WWOX: variants seen among roughly 807,000 people sequenced by gnomAD.
WWOX encodes the protein WW domain-containing oxidoreductase.
In WWOX, 69 loss-of-function variants were observed where a neutral mutation model predicts 46.2. The ratio of observed to expected loss-of-function variants is 1.49; its 90% CI spans 1.23 to 1.82. The LOEUF (loss-of-function observed/expected upper bound fraction) is 1.82. WWOX is among the 40% of genes most tolerant of loss of function. The pLI is 0.00. For missense variants in WWOX, 919 were observed against 542.6 expected, an observed-to-expected ratio of 1.69 and a Z score of -6.89; for synonymous variants, 359 against 202.6, an observed-to-expected ratio of 1.77 and a Z score of -6.56.
intron 5 of WWOX, among the ~76,000 whole-genome samples, chr16:78,199,990 G>A (rs1228371746): frequency 6.6e-6 from 1 of 152,232 alleles, no homozygotes; most frequent in African/African-American, 2.4e-5. Flanking sequence ...GATCGCTTCA[G>A]TAGAAATCAC....
intron 6 of WWOX, among the ~76,000 whole-genome samples, chr16:78,413,210 C>T (rs76106079): frequency 0.039 from 5,873 of 152,152 alleles, 370 homozygotes; most frequent in African/African-American, 0.13. Flanking sequence ...ATTCAGGGAT[C>T]GGAGTCTTTA....
rs555027761 is a variant in WWOX, at chr16:78,335,859, A to C, written c.517-51001A>C. Among the ~76,000 whole-genome samples, 7 of 152,306 alleles carry C rather than the reference A, an allele frequency of 4.6e-5. No homozygotes were observed. The Middle Eastern group carries it at 0.017, about 370-fold the overall frequency. Reference sequence around the variant, plus strand: ...GTAATCCCACCACTTTGTGAGGCCGAGGCGGGTGGATCGCTTGAGGCCAGG... The same window carrying C: ...GTAATCCCACCACTTTGTGAGGCCGCGGCGGGTGGATCGCTTGAGGCCAGG... On this transcript the variant is annotated intron_variant, in intron 5 of 8. Coordinates refer to ENST00000566780, the MANE Select transcript of WWOX (RefSeq NM_016373.4).
chr16:78,952,332 G>A (rs866462633), intron 8 of WWOX, among the ~76,000 whole-genome samples: 1 of 151,420 alleles, frequency 6.6e-6, no homozygotes, highest in South Asian at 2.1e-4. Context: ...ATTTCCTCTT[G>A]GCAGCAATGC....
intron 8 of WWOX, among the ~76,000 whole-genome samples, chr16:79,176,333 G>A (rs1291798264): frequency 6.6e-6 from 1 of 152,160 alleles, no homozygotes; most frequent in African/African-American, 2.4e-5. Context: ...CCAGTCATCT[G>A]GTATTTCTTA....
chr16:78,216,954 C>G (rs2036742072), intron 5 of WWOX, among the ~76,000 whole-genome samples: 1 of 152,202 alleles, frequency 6.6e-6, no homozygotes, highest in Non-Finnish European at 1.5e-5. Context: ...AACTCCTGAC[C>G]TCAAGTGATC....
intron 8 of WWOX, among the ~76,000 whole-genome samples, chr16:79,115,163 T>C (rs1357947402): frequency 1.3e-5 from 2 of 152,230 alleles, no homozygotes; most frequent in Non-Finnish European, 2.9e-5. Flanking sequence ...TCTTAGTCAG[T>C]ATGGTTGTTG....
At chr16:78,334,818 A>ACACACGCG (rs1555521517) in intron 5 of WWOX, among the ~76,000 whole-genome samples, 8 of 82,700 alleles carry the variant, frequency 9.7e-5, no homozygotes, top group Non-Finnish European at 5.4e-5. Context: ...GCACACACAC[A>ACACACGCG]CACACACACA....
At chr16:78,415,251 G>A (rs1414561710) in intron 6 of WWOX, among the ~76,000 whole-genome samples, 1 of 152,074 alleles carries the variant, frequency 6.6e-6, no homozygotes, top group African/African-American at 2.4e-5. Context: ...CATGGCATGT[G>A]TACACTGTCA....
chr16:79,092,550 C>T (rs1008842974), intron 8 of WWOX, among the ~76,000 whole-genome samples: 3 of 152,166 alleles, frequency 2.0e-5, no homozygotes, highest in Non-Finnish European at 2.9e-5. Flanking sequence ...AGCTGCAGTT[C>T]AGGGAAAAGG....
intron 8 of WWOX, among the ~76,000 whole-genome samples, chr16:78,876,962 C>T (rs1044870257): frequency 6.6e-6 from 1 of 152,110 alleles, no homozygotes; most frequent in African/African-American, 2.4e-5. Context: ...TGTGTTTCCT[C>T]TGTATAGTCT....
chr16:78,342,561 A>C (rs117592283), intron 5 of WWOX, among the ~76,000 whole-genome samples: 1,367 of 120,868 alleles, frequency 0.011, 414 homozygotes, highest in Admixed American at 0.027. Flanking sequence ...TGTGAGAAGC[A>C]CATGGGTGTT....
chr16:78,476,209 T>C (rs192457041), intron 8 of WWOX, among the ~76,000 whole-genome samples: 1 of 152,298 alleles, frequency 6.6e-6, no homozygotes, highest in East Asian at 1.9e-4. Flanking sequence ...TTGATTTGCA[T>C]TTCTCTGATG....
At chr16:78,581,223 A>G (rs144595623) in intron 8 of WWOX, among the ~76,000 whole-genome samples, 214 of 152,342 alleles carry the variant, frequency 1.4e-3, no homozygotes, top group African/African-American at 4.9e-3. Flanking sequence ...CCTTTGAACT[A>G]ATTGCTAAAA....
At chr16:78,934,735 A>G (rs1415693697) in intron 8 of WWOX, among the ~76,000 whole-genome samples, 1 of 152,154 alleles carries the variant, frequency 6.6e-6, no homozygotes, top group Non-Finnish European at 1.5e-5. Flanking sequence ...CAGATTTAAA[A>G]GGACAATGAC....
In WWOX at chr16:78,916,006, T is replaced by G. The variant is rs140523446; in HGVS notation, c.1057-295602T>G. Among the ~76,000 whole-genome samples, 1,440 of 152,318 alleles carry G rather than the reference T, an allele frequency of 9.5e-3. 16 individuals are homozygous for G. The highest frequency in any genetic ancestry group is 0.014 in the Non-Finnish European group (963 of 68,020). On this transcript the variant is annotated intron_variant, in intron 8 of 8. Coordinates refer to ENST00000566780, the MANE Select transcript of WWOX (RefSeq NM_016373.4). Reference sequence around the variant, plus strand: ...GCCTCAGATTTCCCACCTATTGTTTTGAACTCTAATTAGGGAAAGGGAATT... The same window carrying G: ...GCCTCAGATTTCCCACCTATTGTTTGGAACTCTAATTAGGGAAAGGGAATT...
intron 8 of WWOX, among the ~76,000 whole-genome samples, chr16:79,097,527 A>G (rs560775980): frequency 6.6e-6 from 1 of 152,166 alleles, no homozygotes; most frequent in Non-Finnish European, 1.5e-5. Flanking sequence ...TATGCTCCAC[A>G]TGCTTTCTAA....
chr16:78,205,377 C>G (rs2036357736), intron 5 of WWOX, among the ~76,000 whole-genome samples: 1 of 149,600 alleles, frequency 6.7e-6, no homozygotes, highest in South Asian at 2.1e-4. Context: ...TTCATACATC[C>G]TTTCATTCTT....
chr16:78,807,623 A>G (rs1207343549), intron 8 of WWOX, among the ~76,000 whole-genome samples: 2 of 152,228 alleles, frequency 1.3e-5, no homozygotes, highest in Non-Finnish European at 2.9e-5. Context: ...GGAGCATTTT[A>G]TGGCTTATGG....
At chr16:78,711,413 A>T (rs1001498535) in intron 8 of WWOX, among the ~76,000 whole-genome samples, 1 of 152,204 alleles carries the variant, frequency 6.6e-6, no homozygotes, top group Admixed American at 6.5e-5. Context: ...GAACTTGAAG[A>T]CTAGGTGGCT....
Sources: allele counts gnomAD v4.1 joint callset (sites outside exome capture counted in the v4.1 genomes callset), GRCh38; gene constraint gnomAD v4.1.1; transcripts MANE v1.5; gene names NCBI Gene and HGNC (gene_info 2026-07-23, HGNC 2026-07-21).